Variants in LAMC1 observed in about 807,000 individuals in gnomAD.
The protein encoded by LAMC1 is laminin subunit gamma 1.
Under a neutral mutation model 173.6 loss-of-function variants are expected in LAMC1, and 38 were observed. That is an observed-to-expected ratio of 0.22 (90% CI 0.17 to 0.29). The LOEUF (loss-of-function observed/expected upper bound fraction) is 0.29, where lower values mean the gene tolerates loss of function less well. Among genes scored for constraint, LAMC1 ranks in the 10% least tolerant of loss-of-function variants. LAMC1 has a pLI of 1.00. For missense variants in LAMC1, 1,824 were observed against 2,051.8 expected (o/e 0.89, Z 2.14); for synonymous variants, 746 against 749.1 (o/e 1.00, Z 0.07).
At position 183,103,489 on chromosome 1, in the gene LAMC1, A is replaced by G. The variant is rs199643650; in HGVS notation, c.580A>G (p.Ile194Val). Reference sequence around the variant, plus strand: ...CTACTCCAAGGCAAACCGCGGCTTCATCAGGACAGGAGGGGACGAGCAGCA... The same window carrying G: ...CTACTCCAAGGCAAACCGCGGCTTCGTCAGGACAGGAGGGGACGAGCAGCA... ...NTYSKANRGF[I>V]RTGGDEQQAL... Residue 194 changes from isoleucine (I) to valine (V), a missense_variant, in exon 2 of 28, where the codon ATC (isoleucine) becomes GTC (valine). Coordinates refer to ENST00000258341, the MANE Select transcript of LAMC1 (RefSeq NM_002293.4). 13 of 1,614,074 alleles carry G rather than the reference A, an allele frequency of 8.1e-6. No homozygotes were observed. Among genetic ancestry groups the G allele is most frequent in the Non-Finnish European group, 1.1e-5 (13 of 1,180,038 alleles).
chr1:183,110,809 C>A (rs1045595304), intron 4 of LAMC1, among the ~76,000 whole-genome samples, 155 bp downstream of exon 4: 9 of 152,154 alleles, frequency 5.9e-5, no homozygotes, highest in Non-Finnish European at 1.2e-4. Context: ...AGAGGAAAGT[C>A]ATAGATGAGG....
chr1:183,140,498 A>G lies in LAMC1; in HGVS notation c.4568A>G (p.Gln1523Arg). Reference sequence around the variant, plus strand: ...AGCATTATTAATGACCTCTTGGAGCAGCTGGGTACGTAGCCATAGAGTCAT... The same window carrying G: ...AGCATTATTAATGACCTCTTGGAGCGGCTGGGTACGTAGCCATAGAGTCAT... ...LLSIINDLLE[Q>R]LGQLDTVDLN... The change falls in exon 27 of 28, where the codon CAG becomes CGG. Residue 1523 changes from glutamine (Q) to arginine (R), a missense_variant. Coordinates refer to ENST00000258341, the MANE Select transcript of LAMC1 (RefSeq NM_002293.4). 1 of 1,609,962 alleles carries G rather than the reference A, an allele frequency of 6.2e-7. No homozygotes were observed. The highest frequency in any genetic ancestry group is 8.5e-7 in the Non-Finnish European group (1 of 1,176,628).
intron 2 of LAMC1, 60 bp downstream of exon 2, chr1:183,103,692 G>C: frequency 6.9e-7 from 1 of 1,440,948 alleles, no homozygotes. Context: ...GGTGTGGGAA[G>C]ATTATTGTAG....
chr1:183,088,768 A>G (rs1173934981), intron 1 of LAMC1, among the ~76,000 whole-genome samples: 1 of 152,228 alleles, frequency 6.6e-6, no homozygotes, highest in Non-Finnish European at 1.5e-5. Context: ...ACTTGAACCA[A>G]ATCTGGAAAG....
At chr1:183,066,603 C>T (rs1654879094) in intron 1 of LAMC1, among the ~76,000 whole-genome samples, 1 of 152,194 alleles carries the variant, frequency 6.6e-6, no homozygotes, top group South Asian at 2.1e-4. Context: ...GGCACATAAA[C>T]ACCATGGAAT....
intron 1 of LAMC1, among the ~76,000 whole-genome samples, chr1:183,079,428 T>C (rs1308177478): frequency 6.6e-6 from 1 of 151,752 alleles, no homozygotes; most frequent in East Asian, 1.9e-4. Context: ...CTAATTTTTG[T>C]ATTTTTTGGT....
At chr1:183,104,947 G>A (rs937057239) in intron 2 of LAMC1, among the ~76,000 whole-genome samples, 2 of 151,868 alleles carry the variant, frequency 1.3e-5, no homozygotes, top group Non-Finnish European at 2.9e-5. Context: ...AGTGGCTCAT[G>A]GCTGTAATAC....
chr1:183,047,506 GAA>G (rs1654296496), intron 1 of LAMC1, among the ~76,000 whole-genome samples: 1 of 152,090 alleles, frequency 6.6e-6, no homozygotes, highest in African/African-American at 2.4e-5. Context: ...TATCATCTGA[GAA>G]AGGATTGCAT....
At position 183,077,776 on chromosome 1, in the gene LAMC1, G is replaced by GTGTGTGTGTGTATATATATATATATATA; in HGVS notation, c.419-25551_419-25550insGTGTGTGTGTATATATATATATATATAT. ...TGAATAGTATTTTTATGGCCATTGT[G>GTGTGTGTGTGTATATATATATATATATA]TATATATATATATATATATACAGTA... On this transcript the variant is annotated intron_variant, in intron 1 of 27. Transcript: ENST00000258341. Among the ~76,000 whole-genome samples, 150 of 116,534 alleles carry GTGTGTGTGTGTATATATATATATATATA rather than the reference G, an allele frequency of 1.3e-3. 9 individuals carry two copies. Among genetic ancestry groups the GTGTGTGTGTGTATATATATATATATATA allele is most frequent in the Middle Eastern group, 9.2e-3 (2 of 218 alleles). The allele number at this position is 116,534 out of a possible 152,430, so 76.5% of individuals were successfully genotyped here.
chr1:183,056,371 C>T (rs151013813), intron 1 of LAMC1, among the ~76,000 whole-genome samples: 1,759 of 152,302 alleles, frequency 0.012, 27 homozygotes, highest in African/African-American at 0.037. Context: ...TGATACTTGA[C>T]GCTTGCCATA....
chr1:183,128,755 G>T lies in LAMC1; in HGVS notation c.3280+5G>T, dbSNP rs776237058. ...GTGAGGCCCAGGATGTCAAAGGTACGCATGATTGAACAGTGCATGACTTCT... is the reference window on the plus strand; with the variant it reads ...GTGAGGCCCAGGATGTCAAAGGTACTCATGATTGAACAGTGCATGACTTCT... On this transcript the variant is annotated splice_donor_5th_base_variant and intron_variant, in intron 18 of 27. Coordinates refer to ENST00000258341, the MANE Select transcript of LAMC1 (RefSeq NM_002293.4). The T allele has an allele frequency of 2.5e-6, 4 of 1,611,440 alleles. No homozygotes were observed. Among genetic ancestry groups the T allele is most frequent in the Non-Finnish European group, 3.4e-6 (4 of 1,178,416 alleles).
intron 1 of LAMC1, among the ~76,000 whole-genome samples, chr1:183,053,656 T>C (rs1225800029): frequency 6.6e-6 from 1 of 152,084 alleles, no homozygotes; most frequent in Admixed American, 6.5e-5. Flanking sequence ...GACAGAGTCT[T>C]GCTCTGTTGC....
rs546998463 is a variant in LAMC1 at position 183,122,166 on chromosome 1, C to T, written c.2316C>T (p.Pro772=). 1.5e-4 allele frequency: 240 copies of T among 1,614,222 alleles called. 2 individuals carry two copies. In the South Asian group the frequency reaches 2.5e-3, roughly 17 times the overall value. The change falls in exon 13 of 28, where the codon CCC becomes CCT. Residue 772 remains proline, a synonymous_variant. Transcript: ENST00000258341. ...CAGGCACCTCCTCCGATTGCCAACC[C>T]TGTCCGTGTCCTGGAGGTTCAAGTT... ...STAGTSSDCQ[P]CPCPGGSSCA...
intron 1 of LAMC1, among the ~76,000 whole-genome samples, chr1:183,030,274 C>T (rs1219395708): frequency 6.6e-6 from 1 of 152,190 alleles, no homozygotes; most frequent in East Asian, 1.9e-4. Flanking sequence ...GCTCTCATAG[C>T]ACAGGTTTGT....
At chr1:183,024,179 C>A (rs1172419201) in intron 1 of LAMC1, 45 bp downstream of exon 1, 14 of 1,491,844 alleles carry the variant, frequency 9.4e-6, no homozygotes, top group Non-Finnish European at 1.3e-5. Flanking sequence ...CGCCAGCAGC[C>A]CAGCTCCCGG....
intron 1 of LAMC1, among the ~76,000 whole-genome samples, chr1:183,050,859 C>T (rs1654406560): frequency 6.9e-6 from 1 of 144,338 alleles, no homozygotes; most frequent in Non-Finnish European, 1.5e-5. Flanking sequence ...CTGTTGCATT[C>T]CAGCCTGGGC....
chr1:183,089,357 C>T (rs1031736397), intron 1 of LAMC1, among the ~76,000 whole-genome samples: 8 of 152,148 alleles, frequency 5.3e-5, no homozygotes, highest in Non-Finnish European at 7.3e-5. Context: ...GATTAAAGGG[C>T]CCATGTTTTT....
intron 22 of LAMC1, 93 bp downstream of exon 22, chr1:183,133,643 C>A (rs1656861342): frequency 1.6e-6 from 2 of 1,212,808 alleles, no homozygotes; most frequent in East Asian, 2.5e-5. Context: ...TGTCCTCCCA[C>A]TGACTCGCTG....
At chr1:183,104,725 G>T (rs1470410253) in intron 2 of LAMC1, among the ~76,000 whole-genome samples, 1 of 152,110 alleles carries the variant, frequency 6.6e-6, no homozygotes, top group Non-Finnish European at 1.5e-5. Flanking sequence ...TTTTCTGTGG[G>T]TTCAGTTGCC....
Sources: allele counts gnomAD v4.1 joint callset (sites outside exome capture counted in the v4.1 genomes callset), GRCh38; gene constraint gnomAD v4.1.1; transcripts MANE v1.5; gene names NCBI Gene and HGNC (gene_info 2026-07-23, HGNC 2026-07-21).